The following ADAMTSL3 variants were observed in gnomAD, a reference collection of about 807,000 sequenced individuals.
The protein encoded by ADAMTSL3 is ADAMTS like 3, also known as ADAMTS-like protein 3.
ADAMTSL3 carries 128 observed loss-of-function variants against 201.7 expected under a neutral mutation model. The ratio of observed to expected loss-of-function variants is 0.63; its 90% confidence interval spans 0.55 to 0.73. ADAMTSL3 has a LOEUF of 0.73. ADAMTSL3 is among the 30% of genes least tolerant of loss of function. ADAMTSL3 has a pLI of 0.00. For missense variants in ADAMTSL3, 1,990 were observed against 2,119.6 expected, an observed-to-expected ratio of 0.94 and a Z score of 1.20; for synonymous variants, 738 against 748.4, an observed-to-expected ratio of 0.99 and a Z score of 0.23.
intron 17 of ADAMTSL3, among the ~76,000 whole-genome samples, chr15:83,927,755 A>C (rs2066276249): frequency 6.6e-6 from 1 of 152,166 alleles, no homozygotes; most frequent in Admixed American, 6.5e-5. Flanking sequence ...ATGAGATGTC[A>C]TCTAGTCCAA....
chr15:83,942,604 T>A lies in ADAMTSL3; in HGVS notation c.2126T>A (p.Val709Glu). 1.2e-6 allele frequency: 2 copies of A among 1,612,646 alleles called. No individual in the cohort carries two copies. Among genetic ancestry groups the A allele is most frequent in the South Asian group, 2.2e-5 (2 of 90,986 alleles). ...NTEPCPPRWH[V>E]GSWGPCSATC... is the part of the protein sequence containing the mutation. ...CTTGTTTTCTGTTTTAGGTGGCATGTGGGCTCTTGGGGGCCCTGCTCAGCT... is the reference window on the plus strand; with the variant it reads ...CTTGTTTTCTGTTTTAGGTGGCATGAGGGCTCTTGGGGGCCCTGCTCAGCT... The change falls in exon 18 of 30, where the codon GTG (valine) becomes GAG (glutamate). Residue 709 changes from valine to glutamate, a missense_variant. Coordinates refer to ENST00000286744, the MANE Select transcript of ADAMTSL3 (RefSeq NM_207517.3).
intron 8 of ADAMTSL3, among the ~76,000 whole-genome samples, chr15:83,860,845 G>A (rs899517050): frequency 2.0e-5 from 3 of 152,184 alleles, no homozygotes; most frequent in African/African-American, 4.8e-5. Flanking sequence ...AGCACACTGA[G>A]CCTGAGCCAA....
At chr15:83,791,556 C>T (rs1217768912) in intron 4 of ADAMTSL3, among the ~76,000 whole-genome samples, 1 of 152,032 alleles carries the variant, frequency 6.6e-6, no homozygotes, top group Admixed American at 6.6e-5. Context: ...TTATTTCATA[C>T]CATATAGAAA....
Position 84,038,615 on chromosome 15 carries a change from C to T in ADAMTSL3, c.*809C>T, listed in dbSNP as rs775290687. On this transcript the variant is annotated 3_prime_UTR_variant, in exon 30 of 30. Coordinates refer to ENST00000286744, the MANE Select transcript of ADAMTSL3 (RefSeq NM_207517.3). ...TATTCTATTGCACACAAACAGAAAA[C>T]CAAAGCCTTATTAGACCTAATTTAT... 9.8e-5 allele frequency: 15 copies of T among 152,678 alleles called. No individual in the cohort carries two copies. Among genetic ancestry groups the T allele is most frequent in the Admixed American group, 4.6e-4 (7 of 15,300 alleles). 9.5% of individuals were successfully genotyped at this position (152,678 alleles called of 1,614,324 possible). A position where few individuals can be genotyped will look rare whatever the true frequency, so the allele number is the denominator to read the frequency against.
chr15:83,821,958 G>A (rs1424721691), intron 6 of ADAMTSL3, among the ~76,000 whole-genome samples: 3 of 143,050 alleles, frequency 2.1e-5, no homozygotes, highest in Non-Finnish European at 3.1e-5. Flanking sequence ...GGGCAGAGGC[G>A]CCCCTCACCT....
chr15:83,759,109 C>CT (rs1401610213), intron 3 of ADAMTSL3, among the ~76,000 whole-genome samples: 1 of 152,056 alleles, frequency 6.6e-6, no homozygotes, highest in East Asian at 1.9e-4. Flanking sequence ...CACATCTTTC[C>CT]TTTTTTTGTT....
intron 17 of ADAMTSL3, among the ~76,000 whole-genome samples, chr15:83,938,467 GC>G (rs1179972051): frequency 6.6e-6 from 1 of 152,154 alleles, no homozygotes; most frequent in Non-Finnish European, 1.5e-5. Context: ...TATAGGAGGA[GC>G]ATTGCTACCC....
chr15:83,950,560 A>G (rs189543598), intron 19 of ADAMTSL3, among the ~76,000 whole-genome samples: 88 of 152,264 alleles, frequency 5.8e-4, no homozygotes, highest in Non-Finnish European at 1.1e-3. Context: ...ATATTTTGAT[A>G]GGGATTGCAT....
At chr15:84,006,005 C>T (rs1457024607) in intron 23 of ADAMTSL3, among the ~76,000 whole-genome samples, 4 of 152,228 alleles carry the variant, frequency 2.6e-5, no homozygotes, top group South Asian at 4.2e-4. Context: ...GCATACATAA[C>T]GTATTTTTCA....
chr15:83,696,072 G>C (rs2061684789), intron 2 of ADAMTSL3, among the ~76,000 whole-genome samples: 1 of 152,188 alleles, frequency 6.6e-6, no homozygotes, highest in Admixed American at 6.5e-5. Flanking sequence ...GGAATACAGA[G>C]AATGTATCCC....
At chr15:83,846,203 C>T (rs2064493960) in intron 7 of ADAMTSL3, among the ~76,000 whole-genome samples, 2 of 152,236 alleles carry the variant, frequency 1.3e-5, no homozygotes, top group Middle Eastern at 3.4e-3. Context: ...TAATGGCCCC[C>T]AGGGTTTGTA....
At position 84,038,515 on chromosome 15, in the gene ADAMTSL3, T is replaced by A. The variant is rs1254519653; in HGVS notation, c.*709T>A. The A allele has an allele frequency of 3.3e-5, 5 of 152,642 alleles. No homozygotes were observed. Among genetic ancestry groups the A allele is most frequent in the African/African-American group, 1.2e-4 (5 of 41,466 alleles). The allele number at this position is 152,642 out of a possible 1,614,324, so 9.5% of individuals were successfully genotyped here. Reference sequence around the variant, plus strand: ...TCGGAAGTCAAAGAAGAGGGAAAGTTAACCTTTTCTACTGATTTCGTAGTA... The same window carrying A: ...TCGGAAGTCAAAGAAGAGGGAAAGTAAACCTTTTCTACTGATTTCGTAGTA... On this transcript the variant is annotated 3_prime_UTR_variant, in exon 30 of 30. Transcript: ENST00000286744.
At chr15:83,826,690 G>C (rs2064031770) in intron 6 of ADAMTSL3, among the ~76,000 whole-genome samples, 1 of 134,300 alleles carries the variant, frequency 7.4e-6, no homozygotes, top group African/African-American at 2.7e-5. Flanking sequence ...GACCCGGTGT[G>C]TGATGTTCCC....
intron 6 of ADAMTSL3, chr15:83,825,001 G>C (rs1436108420): frequency 1.3e-5 from 2 of 152,126 alleles, no homozygotes; most frequent in African/African-American, 2.4e-5. Context: ...GAGCACAATA[G>C]CTCATTTCCT....
intron 3 of ADAMTSL3, among the ~76,000 whole-genome samples, chr15:83,724,713 C>T (rs567453233): frequency 1.3e-5 from 2 of 152,080 alleles, no homozygotes; most frequent in African/African-American, 2.4e-5. Flanking sequence ...TCCTTCCTAG[C>T]CACTGGTGAC....
intron 19 of ADAMTSL3, among the ~76,000 whole-genome samples, chr15:83,964,648 A>T (rs908384833): frequency 6.6e-6 from 1 of 152,192 alleles, no homozygotes; most frequent in Non-Finnish European, 1.5e-5. Context: ...AAAGGCCAAC[A>T]TTCAAATTCA....
rs77086705 is a variant in ADAMTSL3 at position 83,991,190 on chromosome 15, G to T, written c.3949G>T (p.Val1317Leu). 3 of 1,614,182 alleles carry T rather than the reference G, an allele frequency of 1.9e-6. No homozygotes were observed. Among genetic ancestry groups the T allele is most frequent in the Non-Finnish European group, 2.5e-6 (3 of 1,180,028 alleles). ...CGTGGAGGCAGCCCTTGGAGCAAAC[G>T]TGACAATCCGATGTCCTGTAAAAGG... The part of the protein sequence containing the change: ...GIVEAALGAN[V>L]TIRCPVKGVP... Residue 1317 changes from valine (V) to leucine (L), a missense_variant, in exon 23 of 30, where the codon GTG becomes TTG. Coordinates refer to ENST00000286744, the MANE Select transcript of ADAMTSL3 (RefSeq NM_207517.3).
intron 23 of ADAMTSL3, among the ~76,000 whole-genome samples, chr15:84,002,936 CTTTTTTT>C (rs368176543): frequency 1.1e-4 from 11 of 99,986 alleles, no homozygotes; most frequent in Admixed American, 5.2e-4. Context: ...CTTTTCTTTT[CTTTTTTT>C]TTTTTTTTTT....
At chr15:83,779,646 C>T (rs569082727) in intron 4 of ADAMTSL3, among the ~76,000 whole-genome samples, 7 of 139,216 alleles carry the variant, frequency 5.0e-5, no homozygotes, top group African/African-American at 1.4e-4. Flanking sequence ...TGCAGTGAGC[C>T]GAGATCGCAA....
Sources: gnomAD v4.1 joint callset for allele counts (sites outside exome capture counted in the v4.1 genomes callset) on GRCh38, gnomAD v4.1.1 for gene constraint, MANE v1.5 for transcripts, NCBI Gene and HGNC (gene_info 2026-07-23, HGNC 2026-07-21) for gene names.